Variants in INO80D observed in about 807,000 individuals in gnomAD.
INO80D encodes the protein INO80 complex subunit D.
In INO80D, 21 loss-of-function variants were observed where a neutral mutation model predicts 87.6. The ratio of observed to expected loss-of-function variants is 0.24; its 90% CI spans 0.17 to 0.35. The LOEUF is 0.35. Ranked by LOEUF, INO80D falls within the 10% of genes least tolerant of loss-of-function variation. The pLI is 1.00. For missense variants in INO80D, 982 were observed against 1,280.7 expected (o/e 0.77, Z 3.56); for synonymous variants, 440 against 491.0 (o/e 0.90, Z 1.37).
In INO80D at chr2:206,003,286, A is replaced by C. The variant is rs1687936986; in HGVS notation, c.*1082T>G. 6.6e-6 allele frequency: 1 copy of C among 152,238 alleles called. No homozygotes were observed. Among genetic ancestry groups the C allele is most frequent in the African/African-American group, 2.4e-5 (1 of 41,472 alleles). 9.4% of individuals were successfully genotyped at this position (152,238 alleles called of 1,614,324 possible). On this transcript the variant is annotated 3_prime_UTR_variant, in exon 11 of 11. Coordinates refer to ENST00000403263, the MANE Select transcript of INO80D (RefSeq NM_017759.5). ...CAAAGAATCACTACTGTAAACATGA[A>C]AAATTCAAAAGCAAAAGATGGATCA...
chr2:206,023,255 T>C (rs535615411), intron 6 of INO80D, among the ~76,000 whole-genome samples: 1 of 152,178 alleles, frequency 6.6e-6, no homozygotes, highest in Admixed American at 6.5e-5. Context: ...CATTAAACTT[T>C]TAATTTCTAA....
intron 4 of INO80D, among the ~76,000 whole-genome samples, chr2:206,049,832 T>TA (rs945297096): frequency 2.0e-5 from 3 of 152,244 alleles, no homozygotes; most frequent in African/African-American, 4.8e-5. Context: ...GTTTGCATTT[T>TA]AAAAAATTTA....
At chr2:206,040,193 T>C (rs1326915778) in intron 5 of INO80D, among the ~76,000 whole-genome samples, 1 of 148,018 alleles carries the variant, frequency 6.8e-6, no homozygotes, top group East Asian at 2.0e-4. Context: ...CTCAGGAAAC[T>C]GACACAGGAG....
At chr2:206,030,225 C>A (rs1688724708) in intron 5 of INO80D, among the ~76,000 whole-genome samples, 1 of 152,136 alleles carries the variant, frequency 6.6e-6, no homozygotes, top group African/African-American at 2.4e-5. Flanking sequence ...GTAATCCCTG[C>A]AATTTTGGGA....
chr2:206,007,025 G>A (rs956922719), intron 10 of INO80D, among the ~76,000 whole-genome samples: 6 of 152,176 alleles, frequency 3.9e-5, no homozygotes, highest in Admixed American at 2.6e-4. Flanking sequence ...CAGCCTGGGC[G>A]ACAGAGTGAG....
chr2:206,009,848 C>A, intron 8 of INO80D, 54 bp from the exon 9 acceptor site: 1 of 1,425,378 alleles, frequency 7.0e-7, no homozygotes, highest in Non-Finnish European at 9.6e-7. Context: ...ATAAACCTGA[C>A]AGCTACCTAA....
At chr2:206,023,388 T>C (rs977347447) in intron 6 of INO80D, among the ~76,000 whole-genome samples, 3 of 151,778 alleles carry the variant, frequency 2.0e-5, no homozygotes, top group Non-Finnish European at 4.4e-5. Flanking sequence ...TATAATGTAA[T>C]ATAAAAAGCT....
intron 4 of INO80D, among the ~76,000 whole-genome samples, chr2:206,051,031 C>A (rs1689352113): frequency 6.7e-6 from 1 of 149,924 alleles, no homozygotes; most frequent in Admixed American, 6.7e-5. Flanking sequence ...TGAGTTCCAG[C>A]TAGATAAAAT....
In INO80D at chr2:206,078,061, C is replaced by CAAAAAAAAAAAAAA. The variant is rs71410859; in HGVS notation, c.-124+7826_-124+7839dup. On this transcript the variant is annotated intron_variant, in intron 1 of 10. Transcript: ENST00000403263. ...TTCCAGCAAGTTGTTGCAATGTTTA[C>CAAAAAAAAAAAAAA]AAAAAAAAAAAAAAAAAAAAAAAAA... 2.9e-4 allele frequency among the ~76,000 whole-genome samples: 18 copies of CAAAAAAAAAAAAAA among 63,058 alleles called. 1 individual carries two copies. Among genetic ancestry groups the CAAAAAAAAAAAAAA allele is most frequent in the Non-Finnish European group, 3.6e-4 (13 of 36,534 alleles). The allele number at this position is 63,058 out of a possible 152,430, so 41.4% of individuals were successfully genotyped here.
At position 206,013,996 on chromosome 2, in the gene INO80D, T is replaced by TA. The variant is rs199512851; in HGVS notation, c.1542+3683dup. Among the ~76,000 whole-genome samples, 1,364 of 151,196 alleles carry TA rather than the reference T, an allele frequency of 9.0e-3. 8 individuals carry two copies. Among genetic ancestry groups the TA allele is most frequent in the Non-Finnish European group, 0.014 (919 of 67,738 alleles). On this transcript the variant is annotated intron_variant, in intron 8 of 10. Coordinates refer to ENST00000403263, the MANE Select transcript of INO80D (RefSeq NM_017759.5). ...CAACATGGAAAAACGCTTTCTCTAC[T>TA]AAAAAAAACAAAAATTAGGCAGCAT...
At chr2:206,021,399 C>T (rs1245239059) in intron 6 of INO80D, among the ~76,000 whole-genome samples, 1 of 152,154 alleles carries the variant, frequency 6.6e-6, no homozygotes, top group Non-Finnish European at 1.5e-5. Context: ...CAAGATTTGT[C>T]ACGATTATAA....
rs144293042 is a variant in INO80D, at chr2:206,033,169, T to C, written c.1074-4834A>G. On this transcript the variant is annotated intron_variant, in intron 5 of 10. Transcript: ENST00000403263. ...CATGCAAATGGACACCAAAAGCAAG[T>C]AGGGGTAGCTATTCTTATATCAGAC... Among the ~76,000 whole-genome samples, 244 of 152,154 alleles carry C rather than the reference T, an allele frequency of 1.6e-3. 1 individual carries two copies. The highest frequency in any genetic ancestry group is 4.9e-3 in the African/African-American group (202 of 41,500).
intron 5 of INO80D, among the ~76,000 whole-genome samples, chr2:206,041,111 A>G (rs1689036876): frequency 6.6e-6 from 1 of 152,212 alleles, no homozygotes; most frequent in Non-Finnish European, 1.5e-5. Context: ...ACAGCTAATA[A>G]GCTATGAAAA....
At chr2:206,016,134 A>G (rs1688312818) in intron 8 of INO80D, among the ~76,000 whole-genome samples, 1 of 151,944 alleles carries the variant, frequency 6.6e-6, no homozygotes, top group South Asian at 2.1e-4. Context: ...CAGATACTCA[A>G]TGCCAGCCCA....
At chr2:206,031,519 C>A (rs947330814) in intron 5 of INO80D, among the ~76,000 whole-genome samples, 5 of 152,218 alleles carry the variant, frequency 3.3e-5, no homozygotes, top group African/African-American at 1.2e-4. Context: ...ACCGCTATCA[C>A]CACCTCAGTG....
chr2:206,011,280 C>G (rs1688168077), intron 8 of INO80D, among the ~76,000 whole-genome samples: 1 of 152,142 alleles, frequency 6.6e-6, no homozygotes, highest in African/African-American at 2.4e-5. Context: ...TTAGGGGGCT[C>G]TCACCCAAGA....
At chr2:206,081,589 C>CA (rs1319443014) in intron 1 of INO80D, among the ~76,000 whole-genome samples, 1 of 151,680 alleles carries the variant, frequency 6.6e-6, no homozygotes, top group Non-Finnish European at 1.5e-5. Flanking sequence ...CCTGTCTCTA[C>CA]AAAAAATACA....
intron 8 of INO80D, among the ~76,000 whole-genome samples, chr2:206,016,692 A>C (rs954755672): frequency 2.0e-5 from 3 of 152,166 alleles, no homozygotes; most frequent in Admixed American, 6.5e-5. Context: ...GTGTTGTGGG[A>C]GGGACCTGGT....
intron 5 of INO80D, among the ~76,000 whole-genome samples, chr2:206,043,364 G>A (rs968273053): frequency 1.3e-5 from 2 of 152,040 alleles, no homozygotes; most frequent in African/African-American, 4.8e-5. Context: ...TAGAGATGGG[G>A]TTTCACCATG....
Sources: allele counts gnomAD v4.1 joint callset (sites outside exome capture counted in the v4.1 genomes callset), GRCh38; gene constraint gnomAD v4.1.1; transcripts MANE v1.5; gene names NCBI Gene and HGNC (gene_info 2026-07-23, HGNC 2026-07-21).